The following MEI1 variants were observed in gnomAD, a reference collection of about 807,000 sequenced individuals.
MEI1 encodes meiosis inhibitor protein 1.
Under a neutral mutation model 146.2 loss-of-function variants are expected in MEI1, and 103 were observed. The ratio of observed to expected loss-of-function variants is 0.70; its 90% CI spans 0.60 to 0.83. The LOEUF is 0.83. Among genes scored for constraint, MEI1 ranks in the 40% least tolerant of loss-of-function variants. The pLI is 0.00. For synonymous variants in MEI1, 652 were observed against 628.2 expected (o/e 1.04, Z -0.57); for missense variants, 1,529 against 1,533.0 (o/e 1.00, Z 0.04).
rs572654584 is a variant in MEI1, at chr22:41,744,052, A to G, written c.1446+858A>G. ...CCACCACACCTGGCTAATTTTTGTA[A>G]TTTTAGTAGAGACAGGGTTTCACTG... On this transcript the variant is annotated intron_variant, in intron 12 of 30. Coordinates refer to ENST00000401548, the MANE Select transcript of MEI1 (RefSeq NM_152513.4). Among the ~76,000 whole-genome samples, 9 of 146,716 alleles carry G rather than the reference A, an allele frequency of 6.1e-5. No homozygotes were observed. In the South Asian group the frequency reaches 1.9e-3, roughly 32 times the overall value.
chr22:41,752,252 C>A (rs577058187), intron 15 of MEI1, among the ~76,000 whole-genome samples: 1 of 152,226 alleles, frequency 6.6e-6, no homozygotes, highest in Non-Finnish European at 1.5e-5. Flanking sequence ...CTTCCTAGGT[C>A]CTTGTCAAAT....
chr22:41,721,237 C>CTTTT (rs984702207), intron 6 of MEI1, among the ~76,000 whole-genome samples: 1,376 of 70,364 alleles, frequency 0.02, 24 homozygotes, highest in African/African-American at 0.026. Context: ...CACGCCCGTT[C>CTTTT]TTTTTTTTTT....
chr22:41,730,616 T>A lies in MEI1; in HGVS notation c.1075T>A (p.Ser359Thr), dbSNP rs760187909. 22 of 1,613,268 alleles carry A rather than the reference T, an allele frequency of 1.4e-5. No homozygotes were observed. The highest frequency in any genetic ancestry group is 9.9e-5 in the South Asian group (9 of 91,076). ...TLLVEEPLFFSKCHTVYGIEA... is the reference protein window; with the variant it reads ...TLLVEEPLFFTKCHTVYGIEA... ...CCTGGTAGAAGAGCCACTCTTTTTT[T>A]CCAAGTGCCACACGGTGTATGGTTG... The change falls in exon 9 of 31, where the codon TCC becomes ACC. Residue 359 changes from serine (S) to threonine (T), a missense_variant. Coordinates refer to ENST00000401548, the MANE Select transcript of MEI1 (RefSeq NM_152513.4).
chr22:41,779,834 G>T (rs956094604), intron 22 of MEI1, among the ~76,000 whole-genome samples: 5 of 151,980 alleles, frequency 3.3e-5, no homozygotes, highest in Admixed American at 3.3e-4. Context: ...AAACCTCCTC[G>T]GTTTCTCAAC....
rs763830489 is a variant in MEI1 at position 41,793,814 on chromosome 22, T to TG, written c.3346-15_3346-14insG. On this transcript the variant is annotated splice_polypyrimidine_tract_variant and intron_variant, in intron 26 of 30. Coordinates refer to ENST00000401548, the MANE Select transcript of MEI1 (RefSeq NM_152513.4). ...TAGCAAAACCTGACCTGATTTTTTTTTTTTTTTTCTGCAGAAGGACCCTCT... is the reference window on the plus strand; with the variant it reads ...TAGCAAAACCTGACCTGATTTTTTTTGTTTTTTTTCTGCAGAAGGACCCTCT... The TG allele has an allele frequency of 1.9e-6, 3 of 1,549,406 alleles. No homozygotes were observed. The highest frequency in any genetic ancestry group is 2.6e-6 in the Non-Finnish European group (3 of 1,156,364).
intron 22 of MEI1, among the ~76,000 whole-genome samples, chr22:41,779,691 A>G (rs5751160): frequency 0.83 from 126,963 of 152,224 alleles, 53,901 homozygotes; most frequent in African/African-American, 0.95. Flanking sequence ...CACACAGTAG[A>G]CCTTCAACAG....
At chr22:41,713,486 A>AG (rs1299548701) in intron 3 of MEI1, among the ~76,000 whole-genome samples, 2 of 151,298 alleles carry the variant, frequency 1.3e-5, no homozygotes, top group African/African-American at 4.9e-5. Flanking sequence ...ATCAAAAGAA[A>AG]AAAAAAAAAG....
intron 15 of MEI1, 49 bp downstream of exon 15, chr22:41,748,267 GC>G: frequency 8.5e-7 from 1 of 1,181,776 alleles, no homozygotes; most frequent in Non-Finnish European, 1.3e-6. Flanking sequence ...AGCACCTTAG[GC>G]AATGCTCAGA....
intron 24 of MEI1, among the ~76,000 whole-genome samples, chr22:41,783,303 A>AT (rs1331953635): frequency 1.3e-5 from 2 of 149,142 alleles, no homozygotes; most frequent in Non-Finnish European, 1.5e-5. Flanking sequence ...CTGTTATTTT[A>AT]TTTTTTCAGA....
intron 4 of MEI1, 88 bp downstream of exon 4, chr22:41,714,163 G>T: frequency 7.6e-7 from 1 of 1,309,228 alleles, no homozygotes; most frequent in Non-Finnish European, 1.1e-6. Context: ...AGAGATTGAA[G>T]TCCAGGGAGG....
In MEI1 at chr22:41,711,031, T is replaced by A. The variant is rs566023983; in HGVS notation, c.350-2971T>A. Among the ~76,000 whole-genome samples, 300 of 152,242 alleles carry A rather than the reference T, an allele frequency of 2.0e-3. 2 individuals carry two copies. The highest frequency in any genetic ancestry group is 3.1e-3 in the Non-Finnish European group (211 of 68,020). On this transcript the variant is annotated intron_variant, in intron 3 of 30. Transcript: ENST00000401548. ...GGATTAGCATTCACAAAATGTGCCA[T>A]TTTGACTACCTGGTTACTGAGAATC... is the stretch of plus-strand genomic sequence containing the variant.
At chr22:41,750,159 G>A (rs1292017027) in intron 15 of MEI1, among the ~76,000 whole-genome samples, 1 of 152,174 alleles carries the variant, frequency 6.6e-6, no homozygotes, top group Non-Finnish European at 1.5e-5. Context: ...ACTCCTCAGT[G>A]GGGATCAGGT....
At chr22:41,782,916 G>A (rs2075818199) in intron 24 of MEI1, among the ~76,000 whole-genome samples, 1 of 152,040 alleles carries the variant, frequency 6.6e-6, no homozygotes, top group African/African-American at 2.4e-5. Context: ...CCCCACTAAT[G>A]TGACCTAGTT....
Position 41,776,224 on chromosome 22 carries a change from C to T in MEI1, c.2667C>T (p.Ile889=). The T allele has an allele frequency of 2.5e-6, 4 of 1,613,976 alleles. No homozygotes were observed. The highest frequency in any genetic ancestry group is 2.5e-6 in the Non-Finnish European group (3 of 1,179,886). ...TTATCCGAGGCCACTTCCTGCTGAT[C>T]CTGCAGCGTCTGCTAGTGGAGCATG... ...GGLIRGHFLL[I]LQRLLVEHGA... is the part of the protein sequence containing the mutation. Residue 889 remains isoleucine (I), a synonymous_variant, in exon 21 of 31, where the codon ATC becomes ATT. Coordinates refer to ENST00000401548, the MANE Select transcript of MEI1 (RefSeq NM_152513.4).
intron 7 of MEI1, among the ~76,000 whole-genome samples, chr22:41,725,204 C>A (rs921267090): frequency 4.6e-5 from 7 of 152,014 alleles, no homozygotes; most frequent in Non-Finnish European, 7.4e-5. Flanking sequence ...CTCCGCCCCC[C>A]AGGCTCAAGC....
intron 26 of MEI1, 21 bp downstream of exon 26, chr22:41,784,804 G>A (rs1194728714): frequency 2.6e-6 from 4 of 1,563,488 alleles, no homozygotes; most frequent in South Asian, 2.4e-5. Context: ...TGCTGAGTGG[G>A]GCTTGCTTCT....
At chr22:41,710,670 T>C (rs1270027343) in intron 3 of MEI1, among the ~76,000 whole-genome samples, 4 of 152,198 alleles carry the variant, frequency 2.6e-5, no homozygotes, top group Non-Finnish European at 5.9e-5. Context: ...CTCACTTCTT[T>C]TGTGAAATGA....
Position 41,748,219 on chromosome 22 carries a change from G to A in MEI1, c.1792+1G>A. Reference sequence around the variant, plus strand: ...AAGGAGAAGTTTTCCAAGAAGCTTGGTAGGCAGCAGGCAAATGTGGAGGTT... The same window carrying A: ...AAGGAGAAGTTTTCCAAGAAGCTTGATAGGCAGCAGGCAAATGTGGAGGTT... On this transcript the variant is annotated splice_donor_variant, in intron 15 of 30. Coordinates refer to ENST00000401548, the MANE Select transcript of MEI1 (RefSeq NM_152513.4). LOFTEE classifies it high-confidence loss of function. The A allele has an allele frequency of 1.2e-6, 2 of 1,602,846 alleles. No individual in the cohort carries two copies. The highest frequency in any genetic ancestry group is 1.1e-5 in the South Asian group (1 of 90,834).
intron 15 of MEI1, among the ~76,000 whole-genome samples, chr22:41,751,569 C>T (rs934388526): frequency 3.3e-5 from 5 of 150,010 alleles, no homozygotes; most frequent in African/African-American, 1.2e-4. Flanking sequence ...CACCTGAGGT[C>T]CGATACCAGC....
Sources: gnomAD v4.1 joint callset for allele counts (sites outside exome capture counted in the v4.1 genomes callset) on GRCh38, gnomAD v4.1.1 for gene constraint, MANE v1.5 for transcripts, NCBI Gene and HGNC (gene_info 2026-07-23, HGNC 2026-07-21) for gene names.